SLC71A2: variants seen among roughly 807,000 people sequenced by gnomAD.
The protein encoded by SLC71A2 is solute carrier family 71 member 2.
At chr9:94,376,571 T>G in the SLC71A2 span, among the ~76,000 whole-genome samples, 5 of 148,168 alleles carry the variant, frequency 3.4e-5, no homozygotes, top group Middle Eastern at 3.2e-3. Context: ...GTATAGTGAT[T>G]AGACGAGCAT....
chr9:94,456,315 G>T, the SLC71A2 span: 1 of 1,614,082 alleles, frequency 6.2e-7, no homozygotes, highest in Non-Finnish European at 8.5e-7. Context: ...TCGTCTCTCG[G>T]AATGCAGAGT....
the SLC71A2 span, among the ~76,000 whole-genome samples, chr9:94,429,718 T>TA: frequency 2.6e-5 from 4 of 152,224 alleles, no homozygotes; most frequent in Admixed American, 2.0e-4. Context: ...ATGATATATA[T>TA]AAAAACGGCT....
chr9:94,450,218 T>G, the SLC71A2 span, among the ~76,000 whole-genome samples: 3 of 152,218 alleles, frequency 2.0e-5, no homozygotes, highest in African/African-American at 7.2e-5. Flanking sequence ...TCTATCTTAA[T>G]AAAGCTCTTT....
the SLC71A2 span, among the ~76,000 whole-genome samples, chr9:94,416,927 C>T: frequency 5.9e-5 from 9 of 151,670 alleles, no homozygotes; most frequent in South Asian, 2.1e-4. Context: ...TAAAAATTGC[C>T]TGCATCCTTA....
chr9:94,430,922 T>C, the SLC71A2 span, among the ~76,000 whole-genome samples: 1 of 152,158 alleles, frequency 6.6e-6, no homozygotes, highest in Non-Finnish European at 1.5e-5. Flanking sequence ...TAGTCTCTTA[T>C]AGTAAAGCAT....
chr9:94,451,935 C>G, the SLC71A2 span, among the ~76,000 whole-genome samples: 1 of 152,224 alleles, frequency 6.6e-6, no homozygotes, highest in Admixed American at 6.5e-5. Flanking sequence ...TAAGTCTCCT[C>G]GGAAGCCACA....
the SLC71A2 span, among the ~76,000 whole-genome samples, chr9:94,405,734 G>A: frequency 1.3e-5 from 2 of 152,052 alleles, no homozygotes; most frequent in Non-Finnish European, 2.9e-5. Context: ...GAAAGTGTGA[G>A]ATAATTTTTT....
chr9:94,404,579 C>T, the SLC71A2 span, among the ~76,000 whole-genome samples: 4 of 152,186 alleles, frequency 2.6e-5, no homozygotes, highest in African/African-American at 9.6e-5. Flanking sequence ...TACATACATA[C>T]ATGAGCCACC....
chr9:94,409,896 T>G, the SLC71A2 span, among the ~76,000 whole-genome samples: 3 of 124,606 alleles, frequency 2.4e-5, no homozygotes, highest in Admixed American at 9.5e-5. Flanking sequence ...GATTTATATC[T>G]TGTTGGGAAG....
chr9:94,395,884 G>A, the SLC71A2 span, among the ~76,000 whole-genome samples: 1 of 152,098 alleles, frequency 6.6e-6, no homozygotes, highest in African/African-American at 2.4e-5. Context: ...CTGAGAAGAT[G>A]TTAGCAAGCG....
chr9:94,426,461 T>C, the SLC71A2 span, among the ~76,000 whole-genome samples: 3 of 152,246 alleles, frequency 2.0e-5, no homozygotes, highest in Non-Finnish European at 4.4e-5. Context: ...GTGCTACTTT[T>C]CTTCAGCTCT....
the SLC71A2 span, among the ~76,000 whole-genome samples, chr9:94,400,234 A>G: frequency 0.012 from 1,810 of 152,174 alleles, 15 homozygotes; most frequent in Non-Finnish European, 0.022. Flanking sequence ...GAATGTAACT[A>G]TGTGTGAGGA....
the SLC71A2 span, chr9:94,451,430 A>T: frequency 8.3e-7 from 1 of 1,205,272 alleles, no homozygotes; most frequent in Non-Finnish European, 1.2e-6. Flanking sequence ...CTATATTACT[A>T]AAGTGTTTTC....
the SLC71A2 span, chr9:94,458,611 G>A: frequency 4.7e-4 from 350 of 739,840 alleles, 2 homozygotes; most frequent in Middle Eastern, 3.4e-3. Context: ...TGCTTCTCGG[G>A]ATCAGGGAGG....
the SLC71A2 span, among the ~76,000 whole-genome samples, chr9:94,404,212 C>T: frequency 6.6e-6 from 1 of 152,196 alleles, no homozygotes. Context: ...CAGTAGCCAT[C>T]CTAATGAGTA....
At chr9:94,408,556 TTC>T in the SLC71A2 span, among the ~76,000 whole-genome samples, 4 of 152,090 alleles carry the variant, frequency 2.6e-5, no homozygotes, top group Non-Finnish European at 4.4e-5. Context: ...TATTTATATT[TTC>T]TGTTTCTTCA....
chr9:94,440,861 A>G, the SLC71A2 span: 3 of 520,678 alleles, frequency 5.8e-6, no homozygotes, highest in African/African-American at 3.8e-5. Flanking sequence ...ATATTTAAGT[A>G]TACATACATA....
the SLC71A2 span, among the ~76,000 whole-genome samples, chr9:94,425,057 G>T: frequency 3.3e-5 from 5 of 151,734 alleles, no homozygotes; most frequent in African/African-American, 1.2e-4. Flanking sequence ...ATCCATAAAT[G>T]CTTGTCTGCA....
At chr9:94,412,409 A>G in the SLC71A2 span, among the ~76,000 whole-genome samples, 1 of 152,218 alleles carries the variant, frequency 6.6e-6, no homozygotes, top group Non-Finnish European at 1.5e-5. Flanking sequence ...CTGCAACTTC[A>G]CTTCTAGAAA....
Sources: allele counts gnomAD v4.1 joint callset (sites outside exome capture counted in the v4.1 genomes callset), GRCh38; gene constraint gnomAD v4.1.1; transcripts MANE v1.5; gene names NCBI Gene and HGNC (gene_info 2026-07-23, HGNC 2026-07-21).